The following EPHX2 variants were observed in gnomAD, a reference collection of about 807,000 sequenced individuals.
EPHX2 encodes bifunctional epoxide hydrolase 2.
In EPHX2, 74 loss-of-function variants were observed where a neutral mutation model predicts 78.7. The observed-to-expected ratio is 0.94, with a 90% CI of 0.78 to 1.14. The LOEUF (loss-of-function observed/expected upper bound fraction) is 1.14, where lower values mean the gene tolerates loss of function less well. Ranked by LOEUF, EPHX2 falls within the 50% of genes most tolerant of loss-of-function variation. The pLI is 0.00. For synonymous variants in EPHX2, 251 were observed against 255.2 expected (o/e 0.98, Z 0.16); for missense variants, 715 against 702.5 (o/e 1.02, Z -0.20).
At chr8:27,522,332 T>A in intron 10 of EPHX2, 91 bp from the exon 11 acceptor site, 1 of 1,240,390 alleles carries the variant, frequency 8.1e-7, no homozygotes, top group South Asian at 1.3e-5. Flanking sequence ...GAGGAGACCC[T>A]GGTGTCGAGG....
intron 13 of EPHX2, among the ~76,000 whole-genome samples, chr8:27,537,479 G>A (rs1815250408): frequency 6.6e-6 from 1 of 152,120 alleles, no homozygotes; most frequent in South Asian, 2.1e-4. Context: ...TTTTCTTTTA[G>A]AAACTTCTGT....
chr8:27,511,806 T>G, intron 5 of EPHX2, 30 bp from the exon 6 acceptor site: 4 of 1,610,798 alleles, frequency 2.5e-6, no homozygotes, highest in Non-Finnish European at 3.4e-6. Flanking sequence ...GCTGCTGCTG[T>G]CTCTCTCACT....
intron 16 of EPHX2, 123 bp downstream of exon 16, chr8:27,541,665 C>A: frequency 1.0e-6 from 1 of 1,000,412 alleles, no homozygotes; most frequent in Non-Finnish European, 1.5e-6. Context: ...TGGCCACCTC[C>A]TTTCCCTTTG....
chr8:27,497,947 G>T (rs1813634555), intron 1 of EPHX2, among the ~76,000 whole-genome samples: 1 of 150,892 alleles, frequency 6.6e-6, no homozygotes, highest in Non-Finnish European at 1.5e-5. Context: ...CTGTCATTCT[G>T]TCATTTACTT....
chr8:27,497,003 A>G (rs370040588), intron 1 of EPHX2, among the ~76,000 whole-genome samples: 2 of 152,216 alleles, frequency 1.3e-5, no homozygotes, highest in East Asian at 1.9e-4. Context: ...AAGTCTCCCA[A>G]TTACAACTGA....
At chr8:27,528,512 A>C (rs954871646) in intron 12 of EPHX2, among the ~76,000 whole-genome samples, 4 of 152,120 alleles carry the variant, frequency 2.6e-5, no homozygotes, top group Non-Finnish European at 5.9e-5. Flanking sequence ...CATCTGCAAA[A>C]GGTTGGTTTT....
intron 12 of EPHX2, among the ~76,000 whole-genome samples, chr8:27,532,511 G>A (rs55995218): frequency 0.082 from 12,412 of 152,194 alleles, 532 homozygotes; most frequent in Non-Finnish European, 0.1. Flanking sequence ...ATTCTCAACA[G>A]TTCTTGAGGC....
chr8:27,496,451 A>T (rs574315632), intron 1 of EPHX2, among the ~76,000 whole-genome samples: 70 of 152,292 alleles, frequency 4.6e-4, no homozygotes, highest in Non-Finnish European at 1.5e-5. Context: ...TTGGAGTCAG[A>T]GTGCAGGAGA....
intron 13 of EPHX2, 98 bp from the exon 14 acceptor site, chr8:27,538,561 T>G: frequency 8.6e-7 from 1 of 1,160,844 alleles, no homozygotes; most frequent in East Asian, 2.5e-5. Context: ...GATGAGCATA[T>G]TTCCTTTGTC....
intron 5 of EPHX2, among the ~76,000 whole-genome samples, chr8:27,509,743 A>G (rs1263305717): frequency 6.6e-6 from 1 of 152,204 alleles, no homozygotes; most frequent in Non-Finnish European, 1.5e-5. Context: ...ATACCCTTTT[A>G]TATCCCCACA....
chr8:27,547,712 C>T (rs1275405461), downstream of EPHX2, among the ~76,000 whole-genome samples: 1 of 152,126 alleles, frequency 6.6e-6, no homozygotes, highest in Non-Finnish European at 1.5e-5. Flanking sequence ...CACCTCTTCC[C>T]CAACCCTTCC....
chr8:27,516,920 T>C (rs1049554744), intron 8 of EPHX2, among the ~76,000 whole-genome samples: 3 of 124,216 alleles, frequency 2.4e-5, no homozygotes, highest in Admixed American at 2.3e-4. Flanking sequence ...TTCCTTCCTA[T>C]TTTTTTTTTT....
chr8:27,547,516 G>T (rs1216787740), downstream of EPHX2, among the ~76,000 whole-genome samples: 3 of 152,054 alleles, frequency 2.0e-5, no homozygotes, highest in Non-Finnish European at 2.9e-5. Flanking sequence ...ATCAGATCAG[G>T]GTAATTACAC....
At chr8:27,508,976 T>C (rs1238560334) in intron 5 of EPHX2, among the ~76,000 whole-genome samples, 2 of 120,800 alleles carry the variant, frequency 1.7e-5, no homozygotes, top group Non-Finnish European at 3.4e-5. Flanking sequence ...TTTTTTTTGC[T>C]AGGGCTGTGT....
chr8:27,541,590 C>T lies in EPHX2; in HGVS notation c.1449+48C>T, dbSNP rs201809481. On this transcript the variant is annotated intron_variant, in intron 16 of 18. Coordinates refer to ENST00000521400, the MANE Select transcript of EPHX2 (RefSeq NM_001979.6). ...TCTCATCCACACCCCAGGACCCGCC[C>T]GCGGGGCTTCCCATTGGCCTGAGCT... 2.2e-5 allele frequency: 35 copies of T among 1,603,928 alleles called. No homozygotes were observed. The East Asian group carries it at 3.1e-4, about 14-fold the overall frequency.
At chr8:27,539,651 G>A (rs1322408467) in intron 14 of EPHX2, among the ~76,000 whole-genome samples, 1 of 152,192 alleles carries the variant, frequency 6.6e-6, no homozygotes, top group Non-Finnish European at 1.5e-5. Flanking sequence ...GGGGCTGCAT[G>A]CTCAGCTACC....
At chr8:27,501,387 C>CTTCTTTCTTCTTTCTTCT in intron 2 of EPHX2, among the ~76,000 whole-genome samples, 1 of 67,552 alleles carries the variant, frequency 1.5e-5, no homozygotes, top group African/African-American at 7.5e-5. Context: ...TCTTCTTCTT[C>CTTCTTTCTTCTTTCTTCT]TTCTTCTTTC....
chr8:27,537,349 A>G (rs1815246403), intron 13 of EPHX2, among the ~76,000 whole-genome samples: 1 of 152,222 alleles, frequency 6.6e-6, no homozygotes, highest in Admixed American at 6.5e-5. Flanking sequence ...TTCCTGAAAC[A>G]TCCCCTTTAG....
chr8:27,541,591 G>A (rs1407864258), intron 16 of EPHX2, 49 bp downstream of exon 16: 12 of 1,604,264 alleles, frequency 7.5e-6, no homozygotes, highest in East Asian at 4.5e-5. Flanking sequence ...GGACCCGCCC[G>A]CGGGGCTTCC....
Sources: gnomAD v4.1 joint callset for allele counts (sites outside exome capture counted in the v4.1 genomes callset) on GRCh38, gnomAD v4.1.1 for gene constraint, MANE v1.5 for transcripts, NCBI Gene and HGNC (gene_info 2026-07-23, HGNC 2026-07-21) for gene names.